SPOCK3: variants seen among roughly 807,000 people sequenced by gnomAD.
SPOCK3 encodes the protein SPARC (osteonectin), cwcv and kazal like domains proteoglycan 3.
Under a neutral mutation model 56.6 loss-of-function variants are expected in SPOCK3, and 30 were observed. The observed-to-expected ratio is 0.53, with a 90% CI of 0.40 to 0.72. SPOCK3 has a LOEUF of 0.72. Ranked by LOEUF, SPOCK3 falls within the 30% of genes least tolerant of loss-of-function variation. The pLI, the probability that SPOCK3 is intolerant of heterozygous loss-of-function variation, is 0.00. For missense variants in SPOCK3, 527 were observed against 530.0 expected (o/e 0.99, Z 0.06); for synonymous variants, 196 against 183.3 (o/e 1.07, Z -0.56).
At chr4:167,075,268 A>G (rs918835588) in intron 2 of SPOCK3, among the ~76,000 whole-genome samples, 38 of 152,038 alleles carry the variant, frequency 2.5e-4, no homozygotes, top group Admixed American at 7.2e-4. Context: ...GCAAAATACA[A>G]AGGCAAATTC....
chr4:167,227,566 G>GCT (rs1217386507), intron 2 of SPOCK3, among the ~76,000 whole-genome samples: 19 of 152,022 alleles, frequency 1.2e-4, no homozygotes, highest in African/African-American at 4.6e-4. Flanking sequence ...GCTGTAGGGA[G>GCT]TTCACAGTCT....
intron 2 of SPOCK3, among the ~76,000 whole-genome samples, chr4:167,084,581 T>A (rs1299975719): frequency 1.3e-5 from 2 of 152,082 alleles, no homozygotes; most frequent in Non-Finnish European, 2.9e-5. Flanking sequence ...AAGGTCATAG[T>A]GATGACTAGT....
chr4:167,164,877 G>C (rs1765624075), intron 2 of SPOCK3, among the ~76,000 whole-genome samples: 1 of 152,056 alleles, frequency 6.6e-6, no homozygotes, highest in African/African-American at 2.4e-5. Flanking sequence ...CTTTTCTGGT[G>C]TAAATAATGC....
At chr4:167,181,972 G>T (rs541346866) in intron 2 of SPOCK3, among the ~76,000 whole-genome samples, 12 of 152,190 alleles carry the variant, frequency 7.9e-5, no homozygotes, top group African/African-American at 2.9e-4. Flanking sequence ...TGCTCAATAA[G>T]GTGTTCAGTA....
At chr4:166,932,057 T>C (rs1487214073) in intron 4 of SPOCK3, among the ~76,000 whole-genome samples, 4 of 152,184 alleles carry the variant, frequency 2.6e-5, no homozygotes, top group African/African-American at 9.6e-5. Flanking sequence ...CAAATTTCAG[T>C]TATTACCATT....
chr4:167,081,700 G>A lies in SPOCK3; in HGVS notation c.190-19163C>T, dbSNP rs1041514558. On this transcript the variant is annotated intron_variant, in intron 2 of 10. Coordinates refer to ENST00000357545, the MANE Select transcript of SPOCK3 (RefSeq NM_001040159.2). ...AACATCAGCAGGTGGAAATACCTTG[G>A]GAAAGAGAGAGGCAAGGAGGGAGCC... Among the ~76,000 whole-genome samples, 4 of 152,126 alleles carry A rather than the reference G, an allele frequency of 2.6e-5. No homozygotes were observed. In the South Asian group the frequency reaches 6.2e-4, roughly 24 times the overall value.
chr4:167,035,417 A>G (rs939331768), intron 3 of SPOCK3, among the ~76,000 whole-genome samples: 12 of 152,166 alleles, frequency 7.9e-5, no homozygotes, highest in African/African-American at 2.7e-4. Flanking sequence ...ATGTGATGAA[A>G]AAAAAAAGTA....
chr4:166,803,050 GCA>G (rs1742784410), intron 6 of SPOCK3, among the ~76,000 whole-genome samples: 1 of 151,996 alleles, frequency 6.6e-6, no homozygotes, highest in Non-Finnish European at 1.5e-5. Flanking sequence ...GACAAATAAA[GCA>G]CACACACATG....
intron 3 of SPOCK3, among the ~76,000 whole-genome samples, chr4:167,002,956 G>C (rs1426418346): frequency 2.6e-5 from 4 of 152,010 alleles, no homozygotes; most frequent in Non-Finnish European, 5.9e-5. Flanking sequence ...TACTCCTTTT[G>C]AGTATATTTA....
intron 6 of SPOCK3, among the ~76,000 whole-genome samples, chr4:166,853,121 A>T (rs1056772164): frequency 3.3e-5 from 5 of 152,242 alleles, no homozygotes; most frequent in Non-Finnish European, 7.3e-5. Flanking sequence ...GAAAAAATCT[A>T]AAATTTGATG....
At chr4:166,848,525 C>T (rs1748336060) in intron 6 of SPOCK3, among the ~76,000 whole-genome samples, 1 of 152,172 alleles carries the variant, frequency 6.6e-6, no homozygotes, top group African/African-American at 2.4e-5. Flanking sequence ...CTTTTGAAAT[C>T]CTTGGTGAGC....
At chr4:167,233,647 T>C (rs988751087) in intron 2 of SPOCK3, among the ~76,000 whole-genome samples, 1 of 152,140 alleles carries the variant, frequency 6.6e-6, no homozygotes, top group African/African-American at 2.4e-5. Context: ...CTGCTGTGTT[T>C]ACCAGTGCCA....
At chr4:166,831,251 C>T (rs751537236) in intron 6 of SPOCK3, among the ~76,000 whole-genome samples, 7 of 152,134 alleles carry the variant, frequency 4.6e-5, no homozygotes, top group Non-Finnish European at 1.0e-4. Context: ...TTTCATTTAA[C>T]ATAGTAAGTT....
intron 3 of SPOCK3, among the ~76,000 whole-genome samples, chr4:167,050,410 T>A (rs1367722559): frequency 6.6e-6 from 1 of 152,120 alleles, no homozygotes; most frequent in Non-Finnish European, 1.5e-5. Flanking sequence ...AATAATAATG[T>A]TGACAAGGAT....
intron 6 of SPOCK3, among the ~76,000 whole-genome samples, chr4:166,862,313 G>T (rs1480119011): frequency 6.8e-6 from 1 of 147,792 alleles, no homozygotes; most frequent in African/African-American, 2.5e-5. Flanking sequence ...GTCTTGGAAA[G>T]AAAAAAAAAT....
At chr4:167,094,589 T>C (rs1192524028) in intron 2 of SPOCK3, among the ~76,000 whole-genome samples, 5 of 152,140 alleles carry the variant, frequency 3.3e-5, no homozygotes, top group Non-Finnish European at 5.9e-5. Context: ...AATGTGAATT[T>C]GCTCATTATG....
chr4:166,847,681 A>ATATATATATAT (rs1560926812), intron 6 of SPOCK3, among the ~76,000 whole-genome samples: 98 of 91,104 alleles, frequency 1.1e-3, no homozygotes, highest in South Asian at 2.3e-3. Flanking sequence ...ATATATATAT[A>ATATATATATAT]AGAATCATGT....
chr4:166,937,346 A>G (rs1427076419), intron 4 of SPOCK3, among the ~76,000 whole-genome samples: 1 of 151,074 alleles, frequency 6.6e-6, no homozygotes, highest in Non-Finnish European at 1.5e-5. Context: ...GCTATGAATG[A>G]TGTGTAAGGT....
At chr4:167,142,802 C>T (rs889667076) in intron 2 of SPOCK3, among the ~76,000 whole-genome samples, 2 of 151,854 alleles carry the variant, frequency 1.3e-5, no homozygotes, top group African/African-American at 4.8e-5. Context: ...ACAATAGGGA[C>T]AAAGGTATAC....
Sources: allele counts gnomAD v4.1 joint callset (sites outside exome capture counted in the v4.1 genomes callset), GRCh38; gene constraint gnomAD v4.1.1; transcripts MANE v1.5; gene names NCBI Gene and HGNC (gene_info 2026-07-23, HGNC 2026-07-21).